Variants in DIS3L2 observed in about 807,000 individuals in gnomAD.
DIS3L2 encodes DIS3 like 3'-5' exoribonuclease 2.
Under a neutral mutation model 97.5 loss-of-function variants are expected in DIS3L2, and 34 were observed. The observed-to-expected ratio is 0.35, with a 90% CI of 0.27 to 0.46. The LOEUF is 0.46. Among genes scored for constraint, DIS3L2 ranks in the 20% least tolerant of loss-of-function variants. The pLI is 1.00. For missense variants in DIS3L2, 1,038 were observed against 1,146.0 expected (o/e 0.91, Z 1.36); for synonymous variants, 435 against 445.2 (o/e 0.98, Z 0.29).
chr2:232,015,628 A>T lies in DIS3L2; in HGVS notation c.167A>T (p.Lys56Met), dbSNP rs1377112032. The T allele has an allele frequency of 4.3e-6, 7 of 1,613,922 alleles. No individual in the cohort carries two copies. The highest frequency in any genetic ancestry group is 1.7e-5 in the Admixed American group (1 of 60,002). ...AGCATATTTGAAACTTACATGTCCAAGGAGGATGTTTCAGAAGGCTTGAAG... is the reference window on the plus strand; with the variant it reads ...AGCATATTTGAAACTTACATGTCCATGGAGGATGTTTCAGAAGGCTTGAAG... ...KKSIFETYMS[K>M]EDVSEGLKRG... The change falls in exon 3 of 21, where the codon AAG (lysine) becomes ATG (methionine). Residue 56 changes from lysine (K) to methionine (M), a missense_variant. Around this residue, in one of 3 missense-constraint regions of DIS3L2, gnomAD observed 813 missense variants for 880.1 expected, o/e 0.92. Coordinates refer to ENST00000325385, the MANE Select transcript of DIS3L2 (RefSeq NM_152383.5).
intron 13 of DIS3L2, among the ~76,000 whole-genome samples, chr2:232,282,254 G>A (rs987691072): frequency 2.0e-5 from 3 of 152,046 alleles, no homozygotes; most frequent in African/African-American, 7.2e-5. Context: ...AAAGTTGAGT[G>A]AGTGAATGTG....
At chr2:232,224,728 A>G (rs997728173) in intron 10 of DIS3L2, among the ~76,000 whole-genome samples, 2 of 151,532 alleles carry the variant, frequency 1.3e-5, no homozygotes, top group Non-Finnish European at 2.9e-5. Flanking sequence ...AATCCCAGCT[A>G]CTCGGGAGGC....
chr2:231,999,649 A>C (rs1693826739), intron 1 of DIS3L2, among the ~76,000 whole-genome samples: 1 of 152,210 alleles, frequency 6.6e-6, no homozygotes, highest in African/African-American at 2.4e-5. Context: ...TCATACTTCT[A>C]TAAAAAACCT....
At chr2:232,196,510 A>G (rs551884877) in intron 9 of DIS3L2, among the ~76,000 whole-genome samples, 5 of 152,178 alleles carry the variant, frequency 3.3e-5, no homozygotes, top group Non-Finnish European at 5.9e-5. Context: ...TTGAGAATAC[A>G]TTTTCCAGGC....
chr2:232,253,533 A>G (rs1362062486), intron 12 of DIS3L2, among the ~76,000 whole-genome samples: 1 of 152,200 alleles, frequency 6.6e-6, no homozygotes, highest in African/African-American at 2.4e-5. Context: ...TATTAATTCC[A>G]GTGAGAATAA....
chr2:232,217,903 G>T (rs150954705), intron 10 of DIS3L2, among the ~76,000 whole-genome samples: 112 of 152,284 alleles, frequency 7.4e-4, no homozygotes, highest in African/African-American at 2.6e-3. Context: ...ATGTGATTGG[G>T]CAAAAAGCGT....
chr2:232,187,721 G>A (rs1407855475), intron 9 of DIS3L2, among the ~76,000 whole-genome samples: 5 of 152,124 alleles, frequency 3.3e-5, no homozygotes, highest in African/African-American at 4.8e-5. Context: ...GATTACAGGC[G>A]TGAGCCACTG....
At chr2:232,006,711 G>A (rs537956000) in intron 1 of DIS3L2, among the ~76,000 whole-genome samples, 106 of 152,250 alleles carry the variant, frequency 7.0e-4, no homozygotes, top group African/African-American at 2.5e-3. Context: ...GGTAGAAACC[G>A]AAGAGGTAAG....
intron 5 of DIS3L2, among the ~76,000 whole-genome samples, chr2:232,046,169 G>A (rs1274540993): frequency 2.0e-5 from 3 of 152,172 alleles, no homozygotes; most frequent in Non-Finnish European, 4.4e-5. Flanking sequence ...ATAGTCTCAG[G>A]TCCTTTGGGA....
intron 8 of DIS3L2, among the ~76,000 whole-genome samples, chr2:232,140,219 A>G (rs1012474154): frequency 3.3e-5 from 5 of 151,972 alleles, no homozygotes; most frequent in Admixed American, 2.6e-4. Flanking sequence ...TGTCCACTCA[A>G]AAAAAAATGT....
At chr2:232,128,451 A>AT (rs10682281) in intron 6 of DIS3L2, among the ~76,000 whole-genome samples, 10,545 of 71,834 alleles carry the variant, frequency 0.15, 2,252 homozygotes, top group Non-Finnish European at 0.17. Flanking sequence ...AACTTTGCTA[A>AT]TTTTTTTTTT....
At chr2:232,079,183 G>A (rs1285070779) in intron 5 of DIS3L2, among the ~76,000 whole-genome samples, 1 of 152,132 alleles carries the variant, frequency 6.6e-6, no homozygotes, top group Admixed American at 6.6e-5. Flanking sequence ...TCTCAACTCA[G>A]AATACAGCAG....
chr2:232,242,074 T>C (rs574724982), intron 11 of DIS3L2, among the ~76,000 whole-genome samples: 2 of 152,358 alleles, frequency 1.3e-5, no homozygotes, highest in South Asian at 4.1e-4. Flanking sequence ...TGTCAGAGTG[T>C]TGATGTTTTG....
At chr2:232,342,880 C>T (rs995996729) in intron 13 of DIS3L2, among the ~76,000 whole-genome samples, 3 of 152,020 alleles carry the variant, frequency 2.0e-5, no homozygotes, top group Admixed American at 6.5e-5. Context: ...AAGGGCTGCA[C>T]GGTCGATGGG....
chr2:232,201,428 A>C (rs1691890355), intron 9 of DIS3L2, among the ~76,000 whole-genome samples: 1 of 152,242 alleles, frequency 6.6e-6, no homozygotes, highest in Admixed American at 6.5e-5. Flanking sequence ...AATCCAGAAC[A>C]TAAGACGCTT....
chr2:232,205,376 T>C (rs1361632386), intron 9 of DIS3L2, among the ~76,000 whole-genome samples: 11 of 151,966 alleles, frequency 7.2e-5, no homozygotes, highest in Non-Finnish European at 1.5e-4. Context: ...CCACTTCTAC[T>C]ACTAACTGGA....
intron 1 of DIS3L2, among the ~76,000 whole-genome samples, chr2:231,967,757 T>G (rs1039648830): frequency 6.6e-6 from 1 of 152,246 alleles, no homozygotes; most frequent in Non-Finnish European, 1.5e-5. Flanking sequence ...TATAATAGTT[T>G]GCAAGTAAGG....
intron 14 of DIS3L2, among the ~76,000 whole-genome samples, chr2:232,306,541 T>G (rs1051214699): frequency 2.0e-5 from 3 of 152,278 alleles, no homozygotes; most frequent in African/African-American, 7.2e-5. Context: ...TATTTTGGTA[T>G]ATTTTATCTA....
intron 12 of DIS3L2, among the ~76,000 whole-genome samples, chr2:232,256,688 C>T (rs1478777534): frequency 6.6e-6 from 1 of 152,210 alleles, no homozygotes; most frequent in Non-Finnish European, 1.5e-5. Context: ...CCAACTTCAA[C>T]TGCTGAGGTC....
Sources: gnomAD v4.1 joint callset for allele counts (sites outside exome capture counted in the v4.1 genomes callset) on GRCh38, gnomAD v4.1.1 for gene constraint, gnomAD v4.1.1 regional missense constraint, MANE v1.5 for transcripts, NCBI Gene and HGNC (gene_info 2026-07-23, HGNC 2026-07-21) for gene names.